MXI1: variants seen among roughly 807,000 people sequenced by gnomAD.
The protein encoded by MXI1 is MAX interactor 1, dimerization protein, also known as max-interacting protein 1.
MXI1 carries 18 observed loss-of-function variants against 36.9 expected under a neutral mutation model. The observed-to-expected ratio is 0.49, with a 90% CI of 0.34 to 0.72. The LOEUF (loss-of-function observed/expected upper bound fraction) is 0.72. MXI1 is among the 30% of genes least tolerant of loss of function. MXI1 has a pLI of 0.01. For missense variants in MXI1, 304 were observed against 379.1 expected (o/e 0.80, Z 1.64); for synonymous variants, 160 against 146.7 (o/e 1.09, Z -0.65).
intron 3 of MXI1, chr10:110,257,756 G>A (rs1419213358): frequency 7.6e-6 from 2 of 263,938 alleles, no homozygotes; most frequent in African/African-American, 2.3e-5. Flanking sequence ...TGAAGCACCA[G>A]CCTGCTCTAT....
Position 110,285,099 on chromosome 10 carries a change from CAAAA to C in MXI1, c.*113_*116del. 1.9e-6 allele frequency: 2 copies of C among 1,047,664 alleles called. No individual in the cohort carries two copies. Among genetic ancestry groups the C allele is most frequent in the Non-Finnish European group, 2.6e-6 (2 of 764,312 alleles). The allele number at this position is 1,047,664 out of a possible 1,614,324, so 64.9% of individuals were successfully genotyped here. A position where few individuals can be genotyped will look rare whatever the true frequency, so the allele number is the denominator to read the frequency against. ...GTCTCCTCTTTAAAACAAAACAAAA[CAAAA>C]CAAAACTATACTTGAACAAAAGGGT... On this transcript the variant is annotated 3_prime_UTR_variant, in exon 6 of 6. Transcript: ENST00000332674.
At chr10:110,226,903 AG>A (rs1590340433) in intron 1 of MXI1, among the ~76,000 whole-genome samples, 2 of 2,460 alleles carry the variant, frequency 8.1e-4, no homozygotes. Flanking sequence ...CGTGTGAGGG[AG>A]GGGTGCGCGC....
Position 110,207,726 on chromosome 10 carries a change from G to C in MXI1, c.-83G>C. 1 of 968,758 alleles carries C rather than the reference G, an allele frequency of 1.0e-6. No individual in the cohort carries two copies. Among genetic ancestry groups the C allele is most frequent in the Non-Finnish European group, 1.3e-6 (1 of 793,266 alleles). 60.0% of individuals were successfully genotyped at this position (968,758 alleles called of 1,614,324 possible). A position where few individuals can be genotyped will look rare whatever the true frequency, so the allele number is the denominator to read the frequency against. On this transcript the variant is annotated 5_prime_UTR_variant, in exon 1 of 6. Transcript: ENST00000332674. ...CCCCGGCGCCTTCTCTGCTCCAGCC[G>C]GCCGGGTCTCCCTGGGGGCCCGGAG...
intron 3 of MXI1, among the ~76,000 whole-genome samples, chr10:110,250,113 C>CT (rs1856021397): frequency 6.6e-6 from 1 of 152,062 alleles, no homozygotes; most frequent in Non-Finnish European, 1.5e-5. Flanking sequence ...TTAGGGAGCT[C>CT]TAGGTAGTTT....
intron 3 of MXI1, among the ~76,000 whole-genome samples, chr10:110,249,710 A>C (rs1255719296): frequency 6.6e-6 from 1 of 152,174 alleles, no homozygotes; most frequent in Non-Finnish European, 1.5e-5. Context: ...ACACTGCATG[A>C]AGTAAAGTTA....
At chr10:110,225,904 G>C (rs1022189776) in intron 1 of MXI1, 3 of 646,000 alleles carry the variant, frequency 4.6e-6, no homozygotes, top group Non-Finnish European at 5.8e-6. Flanking sequence ...GGGCGGGTGC[G>C]GGACTACATT....
At chr10:110,219,840 T>A (rs944367132) in intron 1 of MXI1, among the ~76,000 whole-genome samples, 1 of 152,234 alleles carries the variant, frequency 6.6e-6, no homozygotes, top group Non-Finnish European at 1.5e-5. Flanking sequence ...GAATAAATGA[T>A]TAGTTTTCTG....
At chr10:110,282,872 A>G (rs894126197) in intron 5 of MXI1, among the ~76,000 whole-genome samples, 1 of 152,114 alleles carries the variant, frequency 6.6e-6, no homozygotes, top group Non-Finnish European at 1.5e-5. Context: ...TAAAATAGAG[A>G]TGGGCCTTGT....
At chr10:110,269,911 A>G (rs2134448418) in intron 3 of MXI1, among the ~76,000 whole-genome samples, 1 of 152,354 alleles carries the variant, frequency 6.6e-6, no homozygotes, top group Middle Eastern at 3.4e-3. Context: ...GGGGGCTGCC[A>G]GAATAGAGAT....
intron 3 of MXI1, among the ~76,000 whole-genome samples, chr10:110,261,918 G>A (rs879782775): frequency 1.2e-4 from 19 of 152,030 alleles, no homozygotes; most frequent in Admixed American, 4.6e-4. Context: ...GTTAACAGGG[G>A]AATGACTAAA....
chr10:110,221,263 G>C (rs1854800742), intron 1 of MXI1, among the ~76,000 whole-genome samples: 1 of 152,260 alleles, frequency 6.6e-6, no homozygotes, highest in Non-Finnish European at 1.5e-5. Context: ...TTGATAGACA[G>C]CTGTTGGCCT....
intron 2 of MXI1, among the ~76,000 whole-genome samples, chr10:110,229,216 A>T (rs1476991190): frequency 6.6e-6 from 1 of 152,244 alleles, no homozygotes; most frequent in Non-Finnish European, 1.5e-5. Context: ...TTAACAGAAG[A>T]TTAACAGATG....
intron 4 of MXI1, 52 bp downstream of exon 4, chr10:110,279,346 T>A: frequency 1.4e-6 from 2 of 1,441,238 alleles, no homozygotes; most frequent in Non-Finnish European, 2.0e-6. Flanking sequence ...CTGGTTTAAT[T>A]ATTGGCACTG....
intron 3 of MXI1, among the ~76,000 whole-genome samples, chr10:110,256,621 A>AG (rs1856306441): frequency 6.6e-6 from 1 of 151,298 alleles, no homozygotes; most frequent in African/African-American, 2.4e-5. Context: ...AAAAAAAAAA[A>AG]AAAAAAAAGA....
chr10:110,283,842 G>A (rs778937208), intron 5 of MXI1, among the ~76,000 whole-genome samples: 27 of 151,760 alleles, frequency 1.8e-4, no homozygotes, highest in Non-Finnish European at 3.7e-4. Context: ...GTGCAGTGGT[G>A]AGACCTTGGC....
chr10:110,258,511 A>C (rs1856394123), intron 3 of MXI1, among the ~76,000 whole-genome samples: 1 of 152,178 alleles, frequency 6.6e-6, no homozygotes, highest in Non-Finnish European at 1.5e-5. Context: ...AACAGTATGA[A>C]GAACAGTATC....
intron 5 of MXI1, among the ~76,000 whole-genome samples, chr10:110,283,447 C>G (rs1857330922): frequency 6.6e-6 from 1 of 151,830 alleles, no homozygotes; most frequent in Admixed American, 6.6e-5. Context: ...TATTTTTAGC[C>G]TAGACACGGG....
rs1333833320 is a variant in MXI1, at chr10:110,233,766, T to G, written c.407+5445T>G. On this transcript the variant is annotated intron_variant, in intron 2 of 5. Coordinates refer to ENST00000332674, the MANE Select transcript of MXI1 (RefSeq NM_130439.3). ...TCCCAAGAATTACTTATATGCCTTA[T>G]ACTAAAAAAACTGAGGCTTTCCTTT... Among the ~76,000 whole-genome samples, 3 of 152,136 alleles carry G rather than the reference T, an allele frequency of 2.0e-5. No homozygotes were observed. In the South Asian group the frequency reaches 6.2e-4, roughly 31 times the overall value.
intron 1 of MXI1, among the ~76,000 whole-genome samples, chr10:110,216,500 A>G (rs1352965189): frequency 6.6e-6 from 1 of 152,036 alleles, no homozygotes; most frequent in Non-Finnish European, 1.5e-5. Context: ...GCCAGGTTTT[A>G]GAACTTCACT....
Sources: allele counts gnomAD v4.1 joint callset (sites outside exome capture counted in the v4.1 genomes callset), GRCh38; gene constraint gnomAD v4.1.1; transcripts MANE v1.5; gene names NCBI Gene and HGNC (gene_info 2026-07-23, HGNC 2026-07-21).